The following ARL15 variants were observed in gnomAD, a reference collection of about 807,000 sequenced individuals.
ARL15 encodes the protein ADP-ribosylation factor-like protein 15.
In ARL15, 19 loss-of-function variants were observed where a neutral mutation model predicts 25.2. The observed-to-expected ratio is 0.75, with a 90% confidence interval of 0.53 to 1.10. The LOEUF is 1.10. Ranked by LOEUF, ARL15 falls within the 50% of genes least tolerant of loss-of-function variation. The pLI is 0.00. For synonymous variants in ARL15, 94 were observed against 86.8 expected (o/e 1.08, Z -0.46); for missense variants, 220 against 246.0 (o/e 0.89, Z 0.71).
chr5:54,190,252 G>A (rs961750408), intron 1 of ARL15, among the ~76,000 whole-genome samples: 1 of 152,090 alleles, frequency 6.6e-6, no homozygotes. Flanking sequence ...AATTAGCCAG[G>A]TGTGGTGGTA....
At chr5:54,155,680 TCACACACACACACA>T (rs58416810) in intron 2 of ARL15, among the ~76,000 whole-genome samples, 2 of 149,940 alleles carry the variant, frequency 1.3e-5, no homozygotes, top group Admixed American at 6.7e-5. Flanking sequence ...ATATACCCAT[TCACACACACACACA>T]CACACACACG....
At chr5:54,282,331 T>C in intron 1 of ARL15, 1 of 985,402 alleles carries the variant, frequency 1.0e-6, no homozygotes, top group Non-Finnish European at 1.2e-6. Flanking sequence ...ACATTCTCTA[T>C]AAGATTAAAA....
rs544853299 is a variant in ARL15 at position 53,960,081 on chromosome 5, C to T, written c.463-73368G>A. Among the ~76,000 whole-genome samples, 8 of 151,966 alleles carry T rather than the reference C, an allele frequency of 5.3e-5. No individual in the cohort carries two copies. In the South Asian group the frequency reaches 1.0e-3, roughly 20 times the overall value. On this transcript the variant is annotated intron_variant, in intron 4 of 4. Transcript: ENST00000504924. ...CTATAGTTCAAACGAAAGTGCTTGA[C>T]GGGAAGATATAAGTTTGAAAGTCAA...
intron 3 of ARL15, among the ~76,000 whole-genome samples, chr5:54,113,947 TA>T (rs1752816832): frequency 6.6e-6 from 1 of 152,210 alleles, no homozygotes; most frequent in South Asian, 2.1e-4. Context: ...GTCAAAGTGC[TA>T]AAGTTTGTGA....
intron 4 of ARL15, among the ~76,000 whole-genome samples, chr5:53,990,617 A>G (rs560660760): frequency 6.6e-6 from 1 of 152,216 alleles, no homozygotes; most frequent in South Asian, 2.1e-4. Flanking sequence ...ATGCAATACA[A>G]CCCTTCTACA....
At chr5:54,079,967 TCA>T (rs58908566) in intron 4 of ARL15, among the ~76,000 whole-genome samples, 8,120 of 124,180 alleles carry the variant, frequency 0.065, 292 homozygotes, top group East Asian at 0.17. Flanking sequence ...TGAGACTCCG[TCA>T]CACACACACA....
At chr5:54,275,297 T>C (rs1757898188) in intron 1 of ARL15, among the ~76,000 whole-genome samples, 1 of 152,198 alleles carries the variant, frequency 6.6e-6, no homozygotes, top group Non-Finnish European at 1.5e-5. Context: ...TGACTGATTG[T>C]CCCCAATATC....
chr5:53,946,562 A>G (rs1746742257), intron 4 of ARL15, among the ~76,000 whole-genome samples: 2 of 152,100 alleles, frequency 1.3e-5, no homozygotes, highest in South Asian at 4.1e-4. Flanking sequence ...AAAGTCAAAA[A>G]TGTTACCAGA....
intron 4 of ARL15, among the ~76,000 whole-genome samples, chr5:54,040,749 A>C (rs1170211691): frequency 6.6e-6 from 1 of 152,184 alleles, no homozygotes; most frequent in Non-Finnish European, 1.5e-5. Flanking sequence ...TTGACATAAT[A>C]AAAAAAGAGG....
At chr5:54,243,485 T>C (rs1178364553) in intron 1 of ARL15, among the ~76,000 whole-genome samples, 1 of 152,194 alleles carries the variant, frequency 6.6e-6, no homozygotes, top group African/African-American at 2.4e-5. Flanking sequence ...AGGCTATTGA[T>C]AAAAGGCTTT....
rs543572727 is a variant in ARL15, at chr5:54,039,682, A to C, written c.462+73520T>G. ...GATGGGCTTGGTGGCAGATGCTGTA[A>C]TCTCAGCTACTTGGGAGGCTGAAGC... On this transcript the variant is annotated intron_variant, in intron 4 of 4. Transcript: ENST00000504924. Among the ~76,000 whole-genome samples, 8 of 151,802 alleles carry C rather than the reference A, an allele frequency of 5.3e-5. No individual in the cohort carries two copies. In the South Asian group the frequency reaches 1.7e-3, roughly 32 times the overall value.
In ARL15 at chr5:54,192,364, C is replaced by T. The variant is rs142248167; in HGVS notation, c.49-20436G>A. ...AGAACTTACTGTCTTCTTACTTACT[C>T]AGTAATTTACTATTTATTTGTTTAT... On this transcript the variant is annotated intron_variant, in intron 1 of 4. Transcript: ENST00000504924. 5.9e-3 allele frequency among the ~76,000 whole-genome samples: 901 copies of T among 152,122 alleles called. 14 individuals carry two copies. Among genetic ancestry groups the T allele is most frequent in the African/African-American group, 0.02 (848 of 41,524 alleles).
At chr5:54,014,176 T>C (rs567898305) in intron 4 of ARL15, among the ~76,000 whole-genome samples, 1 of 152,180 alleles carries the variant, frequency 6.6e-6, no homozygotes, top group African/African-American at 2.4e-5. Flanking sequence ...TGAAGGATCA[T>C]AGGGAACTTC....
At chr5:54,185,822 T>G (rs892506373) in intron 1 of ARL15, among the ~76,000 whole-genome samples, 6 of 152,210 alleles carry the variant, frequency 3.9e-5, no homozygotes, top group Non-Finnish European at 7.3e-5. Context: ...AAACTTATTT[T>G]TATGACCACA....
chr5:54,101,295 A>G (rs1270509248), intron 4 of ARL15, among the ~76,000 whole-genome samples: 2 of 152,096 alleles, frequency 1.3e-5, no homozygotes, highest in Admixed American at 1.3e-4. Context: ...CATATGACAA[A>G]ATTTTGACTA....
chr5:54,291,877 T>A (rs944605133), intron 1 of ARL15, among the ~76,000 whole-genome samples: 28 of 152,312 alleles, frequency 1.8e-4, no homozygotes, highest in African/African-American at 6.7e-4. Flanking sequence ...CCCTACGGAA[T>A]CTTAACTGGG....
At chr5:53,985,888 C>G (rs1748282709) in intron 4 of ARL15, among the ~76,000 whole-genome samples, 2 of 152,122 alleles carry the variant, frequency 1.3e-5, no homozygotes, top group Admixed American at 1.3e-4. Flanking sequence ...ATCCAAAGGT[C>G]CCCAGATTTG....
chr5:54,289,146 C>A (rs772473664), intron 1 of ARL15, among the ~76,000 whole-genome samples: 28 of 152,232 alleles, frequency 1.8e-4, no homozygotes, highest in Non-Finnish European at 2.2e-4. Context: ...ATTTTAGATG[C>A]CCAAGCTGAA....
intron 1 of ARL15, among the ~76,000 whole-genome samples, chr5:54,229,067 A>C (rs1756599314): frequency 6.6e-6 from 1 of 151,994 alleles, no homozygotes; most frequent in Non-Finnish European, 1.5e-5. Flanking sequence ...AGTCACACAG[A>C]TTTTCTTACT....
Sources: allele counts gnomAD v4.1 joint callset (sites outside exome capture counted in the v4.1 genomes callset), GRCh38; gene constraint gnomAD v4.1.1; transcripts MANE v1.5; gene names NCBI Gene and HGNC (gene_info 2026-07-23, HGNC 2026-07-21).